TTLL5: variants seen among roughly 807,000 people sequenced by gnomAD.
TTLL5 encodes the protein tubulin tyrosine ligase like 5.
TTLL5 carries 132 observed loss-of-function variants against 168.4 expected under a neutral mutation model. That is an observed-to-expected ratio of 0.78 (90% CI 0.68 to 0.91). The LOEUF (loss-of-function observed/expected upper bound fraction) is 0.91. TTLL5 is among the 40% of genes least tolerant of loss of function. The probability of loss-of-function intolerance (pLI) is 0.00; values close to 1 mark genes in which losing one functional copy is unlikely to be tolerated. For missense variants in TTLL5, 1,545 were observed against 1,581.5 expected (o/e 0.98, Z 0.39); for synonymous variants, 546 against 558.6 (o/e 0.98, Z 0.32).
In TTLL5 at chr14:75,699,192, A is replaced by C; in HGVS notation, c.507A>C (p.Ser169=). ...LPAEYAEFCN[S]YSKDRGPWIV... is the part of the protein sequence containing the mutation. Reference sequence around the variant, plus strand: ...ATCTCCCAATATTTTGAGCAGATTCATATTCGAAGGACCGGGGACCTTGGA... The same window carrying C: ...ATCTCCCAATATTTTGAGCAGATTCCTATTCGAAGGACCGGGGACCTTGGA... Residue 169 remains serine, a synonymous_variant, in exon 7 of 32, where the codon TCA becomes TCC. Transcript: ENST00000298832. The C allele has an allele frequency of 6.2e-7, 1 of 1,613,568 alleles. No homozygotes were observed.
chr14:75,935,335 G>A (rs965178591), intron 31 of TTLL5, among the ~76,000 whole-genome samples: 6 of 152,224 alleles, frequency 3.9e-5, no homozygotes, highest in African/African-American at 9.6e-5. Flanking sequence ...GCTCTAAGGA[G>A]CTGTCAATAG....
rs144756072 is a variant in TTLL5 at position 75,868,354 on chromosome 14, C to T, written c.3522+4492C>T. 1.0e-3 allele frequency among the ~76,000 whole-genome samples: 154 copies of T among 152,252 alleles called. 1 individual carries two copies. The highest frequency in any genetic ancestry group is 2.2e-3 in the Admixed American group (34 of 15,294). On this transcript the variant is annotated intron_variant, in intron 29 of 31. Coordinates refer to ENST00000298832, the MANE Select transcript of TTLL5 (RefSeq NM_015072.5). ...ATTCTTCACTGGTTCCGGTCTCTTT[C>T]GAAACCCCTTCAATTTTTAGTAGAC...
At chr14:75,796,927 A>C (rs568769600) in intron 27 of TTLL5, among the ~76,000 whole-genome samples, 1 of 152,036 alleles carries the variant, frequency 6.6e-6, no homozygotes, top group African/African-American at 2.4e-5. Flanking sequence ...TTGGTTCCAT[A>C]TGAATTTCAG....
At chr14:75,774,690 C>CT (rs907329467) in intron 21 of TTLL5, among the ~76,000 whole-genome samples, 90 of 150,986 alleles carry the variant, frequency 6.0e-4, no homozygotes, top group Middle Eastern at 3.4e-3. Flanking sequence ...TCTTAATTTT[C>CT]TTTTTTTTTC....
intron 29 of TTLL5, 69 bp downstream of exon 29, chr14:75,863,931 A>AAAAAAAC: frequency 7.7e-7 from 1 of 1,300,552 alleles, no homozygotes; most frequent in Non-Finnish European, 1.0e-6. Flanking sequence ...AAAAAAAAAA[A>AAAAAAAC]AAAGGTCAGT....
At chr14:75,769,837 C>T (rs1028263053) in intron 20 of TTLL5, among the ~76,000 whole-genome samples, 1 of 152,060 alleles carries the variant, frequency 6.6e-6, no homozygotes, top group East Asian at 1.9e-4. Flanking sequence ...GATATATGCT[C>T]TCTGGGTAAA....
chr14:75,875,395 A>ACGCAGCCT (rs2031404891), intron 29 of TTLL5, among the ~76,000 whole-genome samples: 2 of 149,738 alleles, frequency 1.3e-5, no homozygotes, highest in Admixed American at 6.6e-5. Context: ...AAAAAAATAC[A>ACGCAGCCT]AAAATTAGCT....
intron 31 of TTLL5, among the ~76,000 whole-genome samples, chr14:75,926,211 G>A (rs994610999): frequency 9.2e-5 from 8 of 86,812 alleles, no homozygotes; most frequent in African/African-American, 1.4e-4. Context: ...GTAGATCTTC[G>A]TCCATCCCTT....
At chr14:75,816,483 A>T (rs934397245) in intron 27 of TTLL5, among the ~76,000 whole-genome samples, 2 of 152,196 alleles carry the variant, frequency 1.3e-5, no homozygotes, top group Admixed American at 1.3e-4. Context: ...AACTGTTAAG[A>T]TGCATATGAT....
chr14:75,858,824 C>T (rs1353299746), intron 28 of TTLL5, among the ~76,000 whole-genome samples: 2 of 151,210 alleles, frequency 1.3e-5, no homozygotes, highest in Non-Finnish European at 2.9e-5. Context: ...CAGAAAGCAC[C>T]TCCTTCATGG....
At chr14:75,745,247 C>G (rs1889531223) in intron 16 of TTLL5, 39 bp downstream of exon 16, 1 of 1,588,384 alleles carries the variant, frequency 6.3e-7, no homozygotes, top group Non-Finnish European at 8.6e-7. Flanking sequence ...TGGGTTAACA[C>G]AGGGTTTAGT....
rs371882450 is a variant in TTLL5, at chr14:75,719,756, G to A, written c.864G>A (p.Glu288=). 21 of 1,611,920 alleles carry A rather than the reference G, an allele frequency of 1.3e-5. No homozygotes were observed. Among genetic ancestry groups the A allele is most frequent in the Non-Finnish European group, 1.8e-5 (21 of 1,179,334 alleles). The change falls in exon 11 of 32, where the codon GAG becomes GAA. Residue 288 remains glutamate (E), a synonymous_variant. Coordinates refer to ENST00000298832, the MANE Select transcript of TTLL5 (RefSeq NM_015072.5). The part of the protein sequence containing the change: ...DYVSCDDPEV[E]DYGNKWSMSA... ...TTAGTTGTGACGATCCAGAAGTGGA[G>A]GATTATGGAAACAAATGGAGCATGA...
At chr14:75,940,826 G>A (rs1177948247) in intron 31 of TTLL5, among the ~76,000 whole-genome samples, 1 of 152,134 alleles carries the variant, frequency 6.6e-6, no homozygotes, top group Non-Finnish European at 1.5e-5. Context: ...CAGAATAGGG[G>A]GAACATGGTT....
chr14:75,771,302 C>T (rs1891296758), intron 20 of TTLL5, among the ~76,000 whole-genome samples: 1 of 152,138 alleles, frequency 6.6e-6, no homozygotes, highest in African/African-American at 2.4e-5. Flanking sequence ...TGGTGTGCAC[C>T]TGTAAGTCCA....
chr14:75,910,335 A>G (rs1365992501), intron 31 of TTLL5, among the ~76,000 whole-genome samples: 2 of 152,194 alleles, frequency 1.3e-5, no homozygotes, highest in African/African-American at 2.4e-5. Context: ...CTACTCCTAC[A>G]TCTTGCTGCA....
chr14:75,745,532 G>C lies in TTLL5; in HGVS notation c.1438G>C (p.Gly480Arg), dbSNP rs778028809. The part of the protein sequence containing the change: ...RRVKEENDRR[G>R]GFIRIFPTSE... Reference sequence around the variant, plus strand: ...GGTGAAGGAGGAGAATGATCGGCGAGGTGGATTTATTCGCATATTTCCTAC... The same window carrying C: ...GGTGAAGGAGGAGAATGATCGGCGACGTGGATTTATTCGCATATTTCCTAC... The change falls in exon 17 of 32, where the codon GGT (glycine) becomes CGT (arginine). Residue 480 changes from glycine (G) to arginine (R), a missense_variant. Coordinates refer to ENST00000298832, the MANE Select transcript of TTLL5 (RefSeq NM_015072.5). 2 of 1,613,740 alleles carry C rather than the reference G, an allele frequency of 1.2e-6. No individual in the cohort carries two copies. Among genetic ancestry groups the C allele is most frequent in the Admixed American group, 3.3e-5 (2 of 59,974 alleles).
chr14:75,693,533 A>G (rs1885608038), intron 6 of TTLL5, among the ~76,000 whole-genome samples: 1 of 152,258 alleles, frequency 6.6e-6, no homozygotes, highest in African/African-American at 2.4e-5. Context: ...AGTGGTTGGA[A>G]TACATGGCAC....
intron 28 of TTLL5, among the ~76,000 whole-genome samples, chr14:75,853,010 G>A (rs969949600): frequency 1.3e-5 from 2 of 152,068 alleles, no homozygotes; most frequent in Non-Finnish European, 2.9e-5. Context: ...TTCATTGAAC[G>A]CATTTCATAA....
intron 30 of TTLL5, among the ~76,000 whole-genome samples, chr14:75,886,032 T>C (rs953795156): frequency 1.3e-5 from 2 of 152,234 alleles, no homozygotes; most frequent in Non-Finnish European, 2.9e-5. Context: ...CCCTCAGTTA[T>C]GACTGGTGAT....
Sources: gnomAD v4.1 joint callset for allele counts (sites outside exome capture counted in the v4.1 genomes callset) on GRCh38, gnomAD v4.1.1 for gene constraint, MANE v1.5 for transcripts, NCBI Gene and HGNC (gene_info 2026-07-23, HGNC 2026-07-21) for gene names.